The following AGBL1 variants were observed in gnomAD, a reference collection of about 807,000 sequenced individuals.
AGBL1 encodes the protein AGBL carboxypeptidase 1.
In AGBL1, 130 loss-of-function variants were observed where a neutral mutation model predicts 118.9. The observed-to-expected ratio is 1.09, with a 90% confidence interval of 0.95 to 1.26. The LOEUF (loss-of-function observed/expected upper bound fraction) is 1.26. Ranked by LOEUF, AGBL1 falls within the 50% of genes most tolerant of loss-of-function variation. The pLI is 0.00. For synonymous variants in AGBL1, 555 were observed against 478.9 expected, an observed-to-expected ratio of 1.16 and a Z score of -2.08; for missense variants, 1,584 against 1,298.1, an observed-to-expected ratio of 1.22 and a Z score of -3.38.
At chr15:86,146,750 A>G (rs1016265497) in intron 3 of AGBL1, among the ~76,000 whole-genome samples, 2 of 152,242 alleles carry the variant, frequency 1.3e-5, no homozygotes, top group Non-Finnish European at 2.9e-5. Flanking sequence ...TGACCTGAAC[A>G]GAACAGAAAT....
chr15:86,735,520 T>C (rs1700290736), intron 22 of AGBL1, among the ~76,000 whole-genome samples: 2 of 152,046 alleles, frequency 1.3e-5, no homozygotes, highest in Non-Finnish European at 2.9e-5. Context: ...TATCTATCTA[T>C]AAATCAAATC....
At chr15:86,450,832 G>A (rs2082183865) in intron 18 of AGBL1, among the ~76,000 whole-genome samples, 1 of 152,142 alleles carries the variant, frequency 6.6e-6, no homozygotes. Flanking sequence ...CATGGAATAT[G>A]CTTTAAATAG....
Position 86,397,478 on chromosome 15 carries a change from G to T in AGBL1, c.2487G>T (p.Arg829Ser), listed in dbSNP as rs200868686. The T allele has an allele frequency of 1.9e-4, 304 of 1,613,088 alleles. 1 individual carries two copies. The African/African-American group carries it at 3.7e-3, about 19-fold the overall frequency. Residue 829 changes from arginine (R) to serine (S), a missense_variant, in exon 18 of 23, where the codon AGG (arginine) becomes AGT (serine). By Grantham distance (110) the Arg-to-Ser change is moderately radical. Transcript: ENST00000614907. Reference sequence around the variant, plus strand: ...TGGTCAGCAGTGACCCTGTGGCTAGGCTCTTGAGGGAAAACTTCATCTTCA... The same window carrying T: ...TGGTCAGCAGTGACCCTGTGGCTAGTCTCTTGAGGGAAAACTTCATCTTCA... ...EFLVSSDPVA[R>S]LLRENFIFKI...
At chr15:86,414,821 G>C (rs1162727166) in intron 18 of AGBL1, among the ~76,000 whole-genome samples, 2 of 152,142 alleles carry the variant, frequency 1.3e-5, no homozygotes, top group African/African-American at 4.8e-5. Flanking sequence ...AGCCTACTTA[G>C]AAGAAGCACA....
At chr15:86,631,607 T>G (rs1255517469) in intron 21 of AGBL1, among the ~76,000 whole-genome samples, 1 of 152,200 alleles carries the variant, frequency 6.6e-6, no homozygotes, top group Non-Finnish European at 1.5e-5. Flanking sequence ...CTTGCATCCT[T>G]TCTCATGAGA....
intron 17 of AGBL1, among the ~76,000 whole-genome samples, chr15:86,326,658 G>C (rs1238061757): frequency 6.6e-6 from 1 of 152,124 alleles, no homozygotes; most frequent in Non-Finnish European, 1.5e-5. Context: ...TCAGGATTGA[G>C]GGAGGTATAT....
chr15:86,204,834 C>A (rs978671920), intron 5 of AGBL1, among the ~76,000 whole-genome samples: 4 of 152,188 alleles, frequency 2.6e-5, no homozygotes, highest in African/African-American at 9.7e-5. Context: ...AGGTGATCCA[C>A]CTGCCTTGGC....
At chr15:86,658,944 A>C (rs2085500209) in intron 21 of AGBL1, among the ~76,000 whole-genome samples, 1 of 152,150 alleles carries the variant, frequency 6.6e-6, no homozygotes, top group South Asian at 2.1e-4. Flanking sequence ...GATTCAGTGG[A>C]GGTTATAGTA....
At chr15:86,607,619 AG>A (rs2084596146) in intron 21 of AGBL1, among the ~76,000 whole-genome samples, 1 of 152,278 alleles carries the variant, frequency 6.6e-6, no homozygotes, top group African/African-American at 2.4e-5. Context: ...CTGGGTGTGT[AG>A]TGGTATCTCA....
chr15:86,429,402 A>G (rs2081907080), intron 18 of AGBL1, among the ~76,000 whole-genome samples: 1 of 152,244 alleles, frequency 6.6e-6, no homozygotes, highest in African/African-American at 2.4e-5. Flanking sequence ...ATAGAAAAGA[A>G]TAAGAAAGCT....
At chr15:86,490,906 T>G (rs2082769659) in intron 18 of AGBL1, among the ~76,000 whole-genome samples, 1 of 152,174 alleles carries the variant, frequency 6.6e-6, no homozygotes, top group Admixed American at 6.5e-5. Flanking sequence ...AGTCTCTTCC[T>G]CTAGGAAATC....
intron 17 of AGBL1, among the ~76,000 whole-genome samples, chr15:86,387,760 A>C (rs1265447860): frequency 1.3e-5 from 2 of 152,132 alleles, no homozygotes; most frequent in Non-Finnish European, 2.9e-5. Context: ...TGTCCCCAAG[A>C]ATCCCCAGTG....
chr15:86,862,455 C>A lies in AGBL1; in HGVS notation c.3159-44632C>A, dbSNP rs185873410. Among the ~76,000 whole-genome samples, 4 of 152,298 alleles carry A rather than the reference C, an allele frequency of 2.6e-5. No individual in the cohort carries two copies. In the East Asian group the frequency reaches 7.7e-4, roughly 29 times the overall value. On this transcript the variant is annotated intron_variant, in intron 22 of 22. Transcript: ENST00000614907. ...TTCTTTTCAGCCAGGCATGGTGGCT[C>A]ATGCCTGTAATCCCAGCACTTTGGG...
At chr15:86,935,245 C>A (rs1413949433) in intron 23 of AGBL1, 3 of 152,064 alleles carry the variant, frequency 2.0e-5, no homozygotes, top group Non-Finnish European at 4.4e-5. Context: ...ATTAGAGGGT[C>A]GTTCAGTGTT....
chr15:86,539,354 C>T (rs2083464845), intron 19 of AGBL1, among the ~76,000 whole-genome samples: 1 of 152,160 alleles, frequency 6.6e-6, no homozygotes. Context: ...GTAGATTTTA[C>T]TTCTTTACTC....
chr15:86,177,836 A>T (rs545036045), intron 5 of AGBL1, among the ~76,000 whole-genome samples: 1 of 152,220 alleles, frequency 6.6e-6, no homozygotes, highest in Non-Finnish European at 1.5e-5. Context: ...AAGAAGAAAG[A>T]TGGAATCTCT....
chr15:87,011,866 A>C (rs1260028192), intron 24 of AGBL1, among the ~76,000 whole-genome samples: 1 of 152,200 alleles, frequency 6.6e-6, no homozygotes, highest in Non-Finnish European at 1.5e-5. Flanking sequence ...ATATTTTTCT[A>C]ATTAATTGGA....
chr15:86,109,817 C>T (rs1391936554), intron 1 of AGBL1: 1 of 152,254 alleles, frequency 6.6e-6, no homozygotes, highest in Non-Finnish European at 1.5e-5. Context: ...GATCGTGGGA[C>T]CTTCCTGTTA....
intron 22 of AGBL1, among the ~76,000 whole-genome samples, chr15:86,906,612 A>G (rs533150306): frequency 6.6e-6 from 1 of 152,136 alleles, no homozygotes; most frequent in South Asian, 2.1e-4. Context: ...CTGCATTCCA[A>G]TCCCACTCTT....
Sources: allele counts gnomAD v4.1 joint callset (sites outside exome capture counted in the v4.1 genomes callset), GRCh38; gene constraint gnomAD v4.1.1; transcripts MANE v1.5; gene names NCBI Gene and HGNC (gene_info 2026-07-23, HGNC 2026-07-21).